The following RUNX1 variants were observed in gnomAD, a reference collection of about 807,000 sequenced individuals.
RUNX1 encodes the protein RUNX family transcription factor 1.
Under a neutral mutation model 42.8 loss-of-function variants are expected in RUNX1, and 19 were observed. The observed-to-expected ratio is 0.44, with a 90% CI of 0.31 to 0.65. The LOEUF (loss-of-function observed/expected upper bound fraction) is 0.65, where lower values mean the gene tolerates loss of function less well. Ranked by LOEUF, RUNX1 falls within the 30% of genes least tolerant of loss-of-function variation. The probability of loss-of-function intolerance (pLI) is 0.07; values close to 1 mark genes in which losing one functional copy is unlikely to be tolerated. For synonymous variants in RUNX1, 271 were observed against 289.4 expected, an observed-to-expected ratio of 0.94 and a Z score of 0.64; for missense variants, 528 against 672.0, an observed-to-expected ratio of 0.79 and a Z score of 2.37.
rs1195052486 is a variant in RUNX1, at chr21:34,843,207, G to GAC, written c.614-8608_614-8607dup. Reference sequence around the variant, plus strand: ...AGACACACACATACACAGACACCTGGACACACACACAGATATAAAACACAC... The same window carrying GAC: ...AGACACACACATACACAGACACCTGGACACACACACACAGATATAAAACACAC... On this transcript the variant is annotated intron_variant, in intron 6 of 8. Transcript: ENST00000675419. This position sits in a 1 kb window ranked among gnomAD's most constrained non-coding sequence, Gnocchi z 4.8. Among the ~76,000 whole-genome samples the GAC allele has an allele frequency of 6.6e-6, 1 of 151,476 alleles. No homozygotes were observed. Among genetic ancestry groups the GAC allele is most frequent in the East Asian group, 1.9e-4 (1 of 5,178 alleles).
intron 7 of RUNX1, among the ~76,000 whole-genome samples, chr21:34,812,474 AATAAAGTCAG>A (rs956392044): frequency 1.3e-5 from 2 of 151,636 alleles, no homozygotes; most frequent in African/African-American, 4.9e-5. Flanking sequence ...GACACAAACT[AATAAAGTCAG>A]ATTCATCTAG....
At chr21:34,862,678 A>AGTAG (rs1185507039) in intron 5 of RUNX1, among the ~76,000 whole-genome samples, 194 of 152,280 alleles carry the variant, frequency 1.3e-3, no homozygotes, top group African/African-American at 4.3e-3. Context: ...CCCTCTTCTT[A>AGTAG]GAAGGACATC....
intron 7 of RUNX1, among the ~76,000 whole-genome samples, chr21:34,816,738 C>T (rs1463457589): frequency 6.6e-6 from 1 of 152,064 alleles, no homozygotes; most frequent in Non-Finnish European, 1.5e-5. Flanking sequence ...CCAGCATGGA[C>T]CAAAGCTTGT....
intron 2 of RUNX1, among the ~76,000 whole-genome samples, chr21:35,006,475 T>C (rs1032463242): frequency 6.6e-6 from 1 of 152,138 alleles, no homozygotes; most frequent in Non-Finnish European, 1.5e-5. Flanking sequence ...ACTACCCACA[T>C]GGCTCAGAGG....
chr21:34,842,001 G>T (rs1275065958), intron 6 of RUNX1, among the ~76,000 whole-genome samples: 1 of 152,058 alleles, frequency 6.6e-6, no homozygotes, highest in East Asian at 1.9e-4. Context: ...GCTCACTAAT[G>T]TTGGCTGAAT....
rs187759889 is a variant in RUNX1, at chr21:34,933,990, C to A, written c.59-41027G>T. On this transcript the variant is annotated intron_variant, in intron 2 of 8. Transcript: ENST00000675419. ...GGTTCCAGGTAACAACTTGCAAGTG[C>A]AGGGGGAATTAATACTGTATTGGGT... Among the ~76,000 whole-genome samples, 14 of 152,286 alleles carry A rather than the reference C, an allele frequency of 9.2e-5. No individual in the cohort carries two copies. In the East Asian group the frequency reaches 2.7e-3, roughly 29 times the overall value.
chr21:34,984,508 A>G (rs2058870640), intron 2 of RUNX1, among the ~76,000 whole-genome samples: 1 of 152,134 alleles, frequency 6.6e-6, no homozygotes, highest in Non-Finnish European at 1.5e-5. Flanking sequence ...TGCGCTGTGG[A>G]GGAAAAATGG....
chr21:35,025,559 G>GA (rs1221429797), intron 2 of RUNX1, among the ~76,000 whole-genome samples: 1 of 152,202 alleles, frequency 6.6e-6, no homozygotes, highest in East Asian at 1.9e-4. Flanking sequence ...TCTTTGGCCT[G>GA]AGTTTTCCTC....
At chr21:34,854,679 T>C (rs1324260743) in intron 6 of RUNX1, among the ~76,000 whole-genome samples, 4 of 152,078 alleles carry the variant, frequency 2.6e-5, no homozygotes, top group African/African-American at 7.2e-5. Context: ...TGTCACCTGA[T>C]GTATGGATGC....
chr21:35,042,203 TTCCCCC>T (rs2059364669), intron 2 of RUNX1, among the ~76,000 whole-genome samples: 1 of 152,206 alleles, frequency 6.6e-6, no homozygotes, highest in South Asian at 2.1e-4. Context: ...ACCTAGCCCC[TTCCCCC>T]ACCTCATCCC....
chr21:34,858,893 T>A (rs942468849), intron 6 of RUNX1, among the ~76,000 whole-genome samples: 4 of 152,246 alleles, frequency 2.6e-5, no homozygotes, highest in African/African-American at 9.6e-5. Flanking sequence ...ACAGGAGTTA[T>A]TTTTTGGTAC....
rs1000378173 is a variant in RUNX1, at chr21:34,909,252, C to T, written c.59-16289G>A. 3.9e-5 allele frequency among the ~76,000 whole-genome samples: 6 copies of T among 152,228 alleles called. No individual in the cohort carries two copies. In the South Asian group the frequency reaches 6.2e-4, roughly 16 times the overall value. Reference sequence around the variant, plus strand: ...ACACCCGACCCTAAGATTCTTGCTTCGCTTGCCTTTGATATGGTGATCTCT... The same window carrying T: ...ACACCCGACCCTAAGATTCTTGCTTTGCTTGCCTTTGATATGGTGATCTCT... On this transcript the variant is annotated intron_variant, in intron 2 of 8. Transcript: ENST00000675419.
chr21:34,795,742 G>T (rs1276165881), intron 8 of RUNX1, among the ~76,000 whole-genome samples: 1 of 152,176 alleles, frequency 6.6e-6, no homozygotes, highest in East Asian at 1.9e-4. Context: ...AGCAAGCCCT[G>T]TGTCACTTGT....
intron 2 of RUNX1, among the ~76,000 whole-genome samples, chr21:34,961,073 T>C (rs2058678748): frequency 6.6e-6 from 1 of 152,110 alleles, no homozygotes; most frequent in Admixed American, 6.6e-5. Context: ...CAAATAAACT[T>C]TAAGAAACAA....
At chr21:34,802,160 G>A (rs2056616466) in intron 7 of RUNX1, among the ~76,000 whole-genome samples, 1 of 152,216 alleles carries the variant, frequency 6.6e-6, no homozygotes, top group South Asian at 2.1e-4. Flanking sequence ...GGAAGTAGAG[G>A]AGAGTACGAT....
In RUNX1 at chr21:34,998,744, A is replaced by T. The variant is rs143225862; in HGVS notation, c.58+50098T>A. On this transcript the variant is annotated intron_variant, in intron 2 of 8. Transcript: ENST00000675419. Reference sequence around the variant, plus strand: ...TTTTAGTAGAGATGGGGTTTCACCGAGTTAGCCAGGATGGTCTCAGTCTCC... The same window carrying T: ...TTTTAGTAGAGATGGGGTTTCACCGTGTTAGCCAGGATGGTCTCAGTCTCC... 4.3e-3 allele frequency among the ~76,000 whole-genome samples: 651 copies of T among 152,054 alleles called. 3 individuals are homozygous for T. The highest frequency in any genetic ancestry group is 0.014 in the East Asian group (73 of 5,146).
intron 7 of RUNX1, among the ~76,000 whole-genome samples, chr21:34,822,556 T>G (rs2056923215): frequency 6.6e-6 from 1 of 152,218 alleles, no homozygotes; most frequent in African/African-American, 2.4e-5. Context: ...GATACCAGCC[T>G]TGTTGGACGA....
chr21:34,870,923 A>G (rs918163434), intron 5 of RUNX1, among the ~76,000 whole-genome samples: 6 of 152,150 alleles, frequency 3.9e-5, no homozygotes, highest in African/African-American at 1.4e-4. Flanking sequence ...ACGACACTGC[A>G]TTCCAGCCTG....
At chr21:34,888,312 G>C (rs1017480940) in intron 3 of RUNX1, 3 of 1,067,428 alleles carry the variant, frequency 2.8e-6, no homozygotes, top group Admixed American at 1.1e-4. Flanking sequence ...GGGCGGCTCG[G>C]GTTACACACG....
Sources: allele counts gnomAD v4.1 joint callset (sites outside exome capture counted in the v4.1 genomes callset), GRCh38; gene constraint gnomAD v4.1.1; non-coding constraint Gnocchi (gnomAD v3.1); transcripts MANE v1.5; gene names NCBI Gene and HGNC (gene_info 2026-07-23, HGNC 2026-07-21).